EIF4G3: variants seen among roughly 807,000 people sequenced by gnomAD.
EIF4G3 encodes eukaryotic translation initiation factor 4 gamma 3.
Under a neutral mutation model 186.4 loss-of-function variants are expected in EIF4G3, and 34 were observed. The ratio of observed to expected loss-of-function variants is 0.18; its 90% confidence interval spans 0.14 to 0.24. The LOEUF (loss-of-function observed/expected upper bound fraction) is 0.24. Ranked by LOEUF, EIF4G3 falls within the 10% of genes least tolerant of loss-of-function variation. The pLI is 1.00. For synonymous variants in EIF4G3, 673 were observed against 679.5 expected, an observed-to-expected ratio of 0.99 and a Z score of 0.15; for missense variants, 1,536 against 1,948.5, an observed-to-expected ratio of 0.79 and a Z score of 3.99.
rs188539304 is a variant in EIF4G3, at chr1:20,999,757, T to C, written c.144+1442A>G. On this transcript the variant is annotated intron_variant, in intron 6 of 36. Coordinates refer to ENST00000602326, the MANE Select transcript of EIF4G3 (RefSeq NM_001391906.1). ...AGTTTTTCATTTGAAATGACAATAG[T>C]CTTAATCCTATGGGTAGCTGTAAGC... is the stretch of plus-strand genomic sequence containing the variant. 1,013 of 453,478 alleles carry C rather than the reference T, an allele frequency of 2.2e-3. 11 individuals carry two copies. Among genetic ancestry groups the C allele is most frequent in the African/African-American group, 0.019 (940 of 50,006 alleles). The allele number at this position is 453,478 out of a possible 1,614,324, so 28.1% of individuals were successfully genotyped here. A position where few individuals can be genotyped will look rare whatever the true frequency, so the allele number is the denominator to read the frequency against.
chr1:21,167,962 G>A, intron 2 of EIF4G3: 1 of 434,416 alleles, frequency 2.3e-6, no homozygotes, highest in Non-Finnish European at 4.7e-6. Flanking sequence ...TTGACTTACT[G>A]ATAAAGGTTT....
At chr1:20,874,449 T>C (rs1257947432) in intron 20 of EIF4G3, among the ~76,000 whole-genome samples, 4 of 152,198 alleles carry the variant, frequency 2.6e-5, no homozygotes, top group African/African-American at 2.4e-5. Flanking sequence ...TTTCATATAT[T>C]TGTTGGCCGC....
At chr1:20,872,201 C>T (rs911263727) in intron 20 of EIF4G3, among the ~76,000 whole-genome samples, 2 of 152,238 alleles carry the variant, frequency 1.3e-5, no homozygotes, top group African/African-American at 4.8e-5. Flanking sequence ...TAGCTCACTG[C>T]ATCCTTGAAC....
At chr1:20,976,305 T>G (rs1313279529) in intron 10 of EIF4G3, among the ~76,000 whole-genome samples, 2 of 152,004 alleles carry the variant, frequency 1.3e-5, no homozygotes, top group African/African-American at 4.8e-5. Context: ...TAGGTATATC[T>G]CCTAATGCTA....
intron 25 of EIF4G3, among the ~76,000 whole-genome samples, chr1:20,855,923 G>C (rs2154551107): frequency 6.6e-6 from 1 of 152,288 alleles, no homozygotes; most frequent in East Asian, 1.9e-4. Context: ...TTGGAGGTTT[G>C]ATACCAGCAC....
rs897111213 is a variant in EIF4G3 at position 20,810,280 on chromosome 1, A to C, written c.4744+458T>G. Among the ~76,000 whole-genome samples, 3 of 151,574 alleles carry C rather than the reference A, an allele frequency of 2.0e-5. No individual in the cohort carries two copies. Among genetic ancestry groups the C allele is most frequent in the Non-Finnish European group, 4.4e-5 (3 of 67,892 alleles). On this transcript the variant is annotated intron_variant, in intron 36 of 36. Transcript: ENST00000602326. The surrounding 1 kb of genome is among the most constrained non-coding windows in gnomAD (Gnocchi z 4.1). ...AGCGATTCTCCTGCCTCAGCCTCCCAAGTAGCTGGGATTACAGGTGCCCGC... is the reference window on the plus strand; with the variant it reads ...AGCGATTCTCCTGCCTCAGCCTCCCCAGTAGCTGGGATTACAGGTGCCCGC...
chr1:20,824,281 C>G (rs1393331763), intron 33 of EIF4G3, among the ~76,000 whole-genome samples: 2 of 152,192 alleles, frequency 1.3e-5, no homozygotes, highest in Non-Finnish European at 2.9e-5. Context: ...AAAAAGAAAG[C>G]TAATGTCTGT....
At chr1:20,933,429 G>C (rs1300895227) in intron 14 of EIF4G3, among the ~76,000 whole-genome samples, 3 of 152,152 alleles carry the variant, frequency 2.0e-5, no homozygotes, top group African/African-American at 7.2e-5. Context: ...GGCTGAGCCG[G>C]GTGGATCACA....
At chr1:20,848,646 G>C (rs963591256) in intron 29 of EIF4G3, among the ~76,000 whole-genome samples, 1 of 152,148 alleles carries the variant, frequency 6.6e-6, no homozygotes, top group African/African-American at 2.4e-5. Context: ...TAGGCTGTCT[G>C]ACCTGGCACA....
At chr1:20,923,195 G>A (rs541461228) in intron 14 of EIF4G3, among the ~76,000 whole-genome samples, 5 of 152,092 alleles carry the variant, frequency 3.3e-5, no homozygotes, top group African/African-American at 9.6e-5. Context: ...TTTTGCTTTT[G>A]TAGCATGACA....
intron 29 of EIF4G3, chr1:20,847,750 C>T (rs1480800223): frequency 1.1e-5 from 5 of 470,656 alleles, no homozygotes; most frequent in African/African-American, 6.0e-5. Flanking sequence ...TTGGCTATTT[C>T]CCGTTAATGT....
chr1:21,023,520 G>A (rs1372074310), intron 4 of EIF4G3, among the ~76,000 whole-genome samples: 1 of 152,138 alleles, frequency 6.6e-6, no homozygotes, highest in Admixed American at 6.5e-5. Context: ...TCGGCCTCCC[G>A]AGGTGCCGGG....
chr1:20,941,686 C>A lies in EIF4G3; in HGVS notation c.1468G>T (p.Ala490Ser). Residue 490 changes from alanine (A) to serine (S), a missense_variant, in exon 14 of 37, where the codon GCT becomes TCT. Around this residue, in one of 11 missense-constraint regions of EIF4G3, gnomAD observed 560 missense variants for 547.8 expected, o/e 1.02. Coordinates refer to ENST00000602326, the MANE Select transcript of EIF4G3 (RefSeq NM_001391906.1). The part of the protein sequence containing the change: ...SPPHTPVIVP[A>S]AATTVSSPSA... The stretch of plus-strand genomic sequence containing the variant: ...GGAGAACTAACAGTAGTGGCAGCAG[C>A]AGGAACAATGACTGGAGTGTGAGGA... The A allele has an allele frequency of 6.2e-7, 1 of 1,613,034 alleles. No individual in the cohort carries two copies. Among genetic ancestry groups the A allele is most frequent in the Non-Finnish European group, 8.5e-7 (1 of 1,179,596 alleles).
At chr1:21,109,687 G>A (rs1445741981) in intron 2 of EIF4G3, among the ~76,000 whole-genome samples, 5 of 152,180 alleles carry the variant, frequency 3.3e-5, no homozygotes, top group Admixed American at 6.5e-5. Flanking sequence ...AACAGAGGAA[G>A]CATCTGAATG....
At position 20,981,356 on chromosome 1, in the gene EIF4G3, A is replaced by ATT. The variant is rs200585889; in HGVS notation, c.199-130_199-129insAA. On this transcript the variant is annotated intron_variant, in intron 8 of 36. Coordinates refer to ENST00000602326, the MANE Select transcript of EIF4G3 (RefSeq NM_001391906.1). ...AATTACAAATACAATATGCATAAAA[A>ATT]GAATAAATTACCTATTGCTGGGTTC... The ATT allele has an allele frequency of 1.8e-3, 1,201 of 680,308 alleles. 10 individuals carry two copies. In the African/African-American group the frequency reaches 0.02, roughly 11 times the overall value. The allele number at this position is 680,308 out of a possible 1,614,324, so 42.1% of individuals were successfully genotyped here. A position where few individuals can be genotyped will look rare whatever the true frequency, so the allele number is the denominator to read the frequency against.
chr1:20,992,767 C>A (rs904159771), intron 7 of EIF4G3, among the ~76,000 whole-genome samples: 5 of 152,238 alleles, frequency 3.3e-5, no homozygotes, highest in Non-Finnish European at 7.4e-5. Context: ...TAGTATATAA[C>A]CAACACTTGA....
intron 4 of EIF4G3, among the ~76,000 whole-genome samples, chr1:21,004,813 T>TA (rs1276093738): frequency 6.6e-6 from 1 of 151,984 alleles, no homozygotes; most frequent in Non-Finnish European, 1.5e-5. Flanking sequence ...TAATGAGTTA[T>TA]AAAAAACAAA....
At chr1:21,049,065 A>G (rs546261643) in intron 4 of EIF4G3, among the ~76,000 whole-genome samples, 2 of 152,194 alleles carry the variant, frequency 1.3e-5, no homozygotes, top group Non-Finnish European at 2.9e-5. Context: ...CAGTGGATCT[A>G]ATGTTTTGAA....
chr1:20,969,622 T>C (rs763875885), intron 11 of EIF4G3, 26 bp from the exon 12 acceptor site: 3 of 1,608,780 alleles, frequency 1.9e-6, no homozygotes, highest in East Asian at 2.2e-5. Context: ...AAATGACATA[T>C]GTACAGATGA....
Sources: allele counts gnomAD v4.1 joint callset (sites outside exome capture counted in the v4.1 genomes callset), GRCh38; gene constraint gnomAD v4.1.1; regional missense constraint gnomAD v4.1.1; non-coding constraint Gnocchi (gnomAD v3.1); transcripts MANE v1.5; gene names NCBI Gene and HGNC (gene_info 2026-07-23, HGNC 2026-07-21).